The following SMG6 variants were observed in gnomAD, a reference collection of about 807,000 sequenced individuals.
SMG6 encodes SMG6 nonsense mediated mRNA decay factor.
Under a neutral mutation model 142.2 loss-of-function variants are expected in SMG6, and 66 were observed. That is an observed-to-expected ratio of 0.46 (90% CI 0.38 to 0.57). SMG6 has a LOEUF of 0.57. Among genes scored for constraint, SMG6 ranks in the 20% least tolerant of loss-of-function variants. The pLI, the probability that SMG6 is intolerant of heterozygous loss-of-function variation, is 0.00. For synonymous variants in SMG6, 779 were observed against 702.4 expected (o/e 1.11, Z -1.72); for missense variants, 1,793 against 1,832.0 (o/e 0.98, Z 0.39).
At chr17:2,281,009 G>A (rs888162772) in intron 8 of SMG6, among the ~76,000 whole-genome samples, 2 of 152,118 alleles carry the variant, frequency 1.3e-5, no homozygotes, top group Non-Finnish European at 2.9e-5. Flanking sequence ...GATTTCGATC[G>A]CATCACTGCA....
intron 10 of SMG6, among the ~76,000 whole-genome samples, chr17:2,202,477 G>A (rs1041659558): frequency 2.0e-5 from 3 of 152,098 alleles, no homozygotes; most frequent in Non-Finnish European, 2.9e-5. Context: ...ACTTGAGCCC[G>A]GAAGTTCAAG....
At chr17:2,198,919 A>AG (rs1340646931) in intron 10 of SMG6, among the ~76,000 whole-genome samples, 1 of 148,476 alleles carries the variant, frequency 6.7e-6, no homozygotes, top group African/African-American at 2.5e-5. Flanking sequence ...AGAAACTGTC[A>AG]GGGGCAACCA....
intron 13 of SMG6, among the ~76,000 whole-genome samples, chr17:2,149,349 CAAAAA>C (rs1178295829): frequency 0.39 from 26,645 of 68,794 alleles, 2,935 homozygotes; most frequent in South Asian, 0.46. Flanking sequence ...GATTCCCCCT[CAAAAA>C]AAAAAAAAAA....
At position 2,088,093 on chromosome 17, in the gene SMG6, C is replaced by T. The variant is rs796631826; in HGVS notation, c.3358-2192G>A. 35 of 985,406 alleles carry T rather than the reference C, an allele frequency of 3.6e-5. No individual in the cohort carries two copies. The African/African-American group carries it at 4.0e-4, about 11-fold the overall frequency. 61.0% of individuals were successfully genotyped at this position (985,406 alleles called of 1,614,324 possible). ...GCAATTGTCCTTGGCCTCACCTGGA[C>T]GATGAGAGGTACACTGGCACCCCTG... On this transcript the variant is annotated intron_variant, in intron 13 of 18. Transcript: ENST00000263073.
At chr17:2,216,369 G>GA (rs1471281243) in intron 10 of SMG6, among the ~76,000 whole-genome samples, 1 of 152,128 alleles carries the variant, frequency 6.6e-6, no homozygotes, top group Non-Finnish European at 1.5e-5. Context: ...AAAAGGGGGG[G>GA]AAAAAGTAGG....
chr17:2,259,716 T>C (rs1005723851), intron 8 of SMG6, among the ~76,000 whole-genome samples: 3 of 150,848 alleles, frequency 2.0e-5, no homozygotes, highest in African/African-American at 7.3e-5. Context: ...ATGTGTGCAT[T>C]CGCACACTAA....
At chr17:2,142,302 T>TA (rs1380806845) in intron 13 of SMG6, among the ~76,000 whole-genome samples, 2 of 152,170 alleles carry the variant, frequency 1.3e-5, no homozygotes, top group Admixed American at 1.3e-4. Flanking sequence ...AAAATATTTG[T>TA]AAATCATTTA....
At chr17:2,134,597 T>C (rs552299766) in intron 13 of SMG6, among the ~76,000 whole-genome samples, 1 of 152,058 alleles carries the variant, frequency 6.6e-6, no homozygotes, top group East Asian at 1.9e-4. Context: ...AAAGACAAAA[T>C]CACTTTTTAA....
intron 8 of SMG6, among the ~76,000 whole-genome samples, chr17:2,256,808 T>C (rs2074191295): frequency 6.6e-6 from 1 of 151,976 alleles, no homozygotes; most frequent in Non-Finnish European, 1.5e-5. Context: ...TGATACGGAT[T>C]AAATAGGTTA....
chr17:2,159,852 A>G (rs1882942579), intron 13 of SMG6, among the ~76,000 whole-genome samples: 1 of 152,260 alleles, frequency 6.6e-6, no homozygotes. Context: ...CTGAAAAAAT[A>G]TAATGCCCAA....
chr17:2,061,358 G>A lies in SMG6; in HGVS notation c.*134C>T, dbSNP rs374288517. 59 of 876,780 alleles carry A rather than the reference G, an allele frequency of 6.7e-5. No homozygotes were observed. Among genetic ancestry groups the A allele is most frequent in the Non-Finnish European group, 8.7e-5 (51 of 583,082 alleles). 54.3% of individuals were successfully genotyped at this position (876,780 alleles called of 1,614,324 possible). On this transcript the variant is annotated 3_prime_UTR_variant, in exon 19 of 19. Transcript: ENST00000263073. ...AGGTCCCCCACAGCATGGCCGTGGC[G>A]TGGGTTGGAAGAGGATGGTTTATTG...
chr17:2,216,661 C>G (rs1204834960), intron 10 of SMG6, among the ~76,000 whole-genome samples: 2 of 152,120 alleles, frequency 1.3e-5, no homozygotes, highest in Non-Finnish European at 2.9e-5. Flanking sequence ...TTCAAAATTT[C>G]TGGCCCTTTT....
At chr17:2,110,970 G>A (rs979088333) in intron 13 of SMG6, among the ~76,000 whole-genome samples, 2 of 152,186 alleles carry the variant, frequency 1.3e-5, no homozygotes, top group Non-Finnish European at 2.9e-5. Context: ...TCTGAAGGCC[G>A]CTACGCCCAC....
intron 1 of SMG6, among the ~76,000 whole-genome samples, chr17:2,301,554 C>T (rs933266099): frequency 6.6e-6 from 1 of 152,038 alleles, no homozygotes; most frequent in African/African-American, 2.4e-5. Context: ...CTTTAGAAAC[C>T]ACTCTCGGCC....
At chr17:2,186,556 C>G in intron 12 of SMG6, 107 bp downstream of exon 12, 2 of 1,268,506 alleles carry the variant, frequency 1.6e-6, no homozygotes, top group South Asian at 2.9e-5. Flanking sequence ...AATAGAGAGG[C>G]AGGCAGGCTG....
intron 10 of SMG6, among the ~76,000 whole-genome samples, chr17:2,214,682 T>C (rs1003290817): frequency 6.6e-6 from 1 of 152,218 alleles, no homozygotes; most frequent in Admixed American, 6.5e-5. Context: ...TGACTGTCAT[T>C]CTTAATTGTC....
In SMG6 at chr17:2,080,244, C is replaced by A. The variant is rs555351350; in HGVS notation, c.3681+1566G>T. ...GACTGGCCTGGCACACACAGCAAAACCCTGTCTTTACTAAAAATACAAAAT... is the reference window on the plus strand; with the variant it reads ...GACTGGCCTGGCACACACAGCAAAAACCTGTCTTTACTAAAAATACAAAAT... On this transcript the variant is annotated intron_variant, in intron 15 of 18. Transcript: ENST00000263073. Among the ~76,000 whole-genome samples, 8 of 151,938 alleles carry A rather than the reference C, an allele frequency of 5.3e-5. No homozygotes were observed. In the East Asian group the frequency reaches 1.5e-3, roughly 29 times the overall value.
At chr17:2,086,953 G>A (rs2068578739) in intron 13 of SMG6, 2 of 1,250,928 alleles carry the variant, frequency 1.6e-6, no homozygotes, top group African/African-American at 3.1e-5. Context: ...TGCCACAGGG[G>A]ACGGCCCCTT....
In SMG6 at chr17:2,082,061, G is replaced by A; in HGVS notation, c.3535-105C>T. 3.2e-6 allele frequency: 4 copies of A among 1,240,158 alleles called. No individual in the cohort carries two copies. In the South Asian group the frequency reaches 3.9e-5, roughly 12 times the overall value. 76.8% of individuals were successfully genotyped at this position (1,240,158 alleles called of 1,614,324 possible). A position where few individuals can be genotyped will look rare whatever the true frequency, so the allele number is the denominator to read the frequency against. ...TTGTGGCCCCTCACCCACGCAGACT[G>A]GGACCATCCCTTGCAAAGGGTCCCC... On this transcript the variant is annotated intron_variant, in intron 14 of 18. Coordinates refer to ENST00000263073, the MANE Select transcript of SMG6 (RefSeq NM_017575.5).
Sources: allele counts gnomAD v4.1 joint callset (sites outside exome capture counted in the v4.1 genomes callset), GRCh38; gene constraint gnomAD v4.1.1; transcripts MANE v1.5; gene names NCBI Gene and HGNC (gene_info 2026-07-23, HGNC 2026-07-21).